NRG1: variants seen among roughly 807,000 people sequenced by gnomAD.
The protein encoded by NRG1 is pro-neuregulin-1, membrane-bound isoform.
In NRG1, 18 loss-of-function variants were observed where a neutral mutation model predicts 63.8. The ratio of observed to expected loss-of-function variants is 0.28; its 90% confidence interval spans 0.19 to 0.42. The LOEUF is 0.42. NRG1 is among the 10% of genes least tolerant of loss of function. The probability of loss-of-function intolerance (pLI) is 1.00; values close to 1 mark genes in which losing one functional copy is unlikely to be tolerated. For missense variants in NRG1, 762 were observed against 814.7 expected, an observed-to-expected ratio of 0.94 and a Z score of 0.79; for synonymous variants, 302 against 301.3, an observed-to-expected ratio of 1.00 and a Z score of -0.02.
intron 1 of NRG1, among the ~76,000 whole-genome samples, chr8:31,664,774 C>G (rs1486038762): frequency 6.6e-6 from 1 of 152,146 alleles, no homozygotes; most frequent in Non-Finnish European, 1.5e-5. Context: ...GAACAAGCTA[C>G]AGTTAACTGG....
intron 1 of NRG1, among the ~76,000 whole-genome samples, chr8:32,106,334 A>T (rs1831255694): frequency 6.6e-6 from 1 of 152,230 alleles, no homozygotes; most frequent in Non-Finnish European, 1.5e-5. Context: ...TTTTGTGGCC[A>T]ACTGGCAACC....
chr8:31,650,314 A>G (rs1804708060), intron 1 of NRG1, among the ~76,000 whole-genome samples: 2 of 152,166 alleles, frequency 1.3e-5, no homozygotes, highest in African/African-American at 4.8e-5. Flanking sequence ...TTCCCTACTT[A>G]GAAAGTTTCA....
At chr8:31,710,321 T>C (rs1183945459) in intron 1 of NRG1, among the ~76,000 whole-genome samples, 1 of 151,952 alleles carries the variant, frequency 6.6e-6, no homozygotes, top group Non-Finnish European at 1.5e-5. Flanking sequence ...TCATATGTTA[T>C]CAATTTTAAT....
chr8:32,479,692 C>T (rs538866678), intron 1 of NRG1, among the ~76,000 whole-genome samples: 1 of 152,236 alleles, frequency 6.6e-6, no homozygotes, highest in South Asian at 2.1e-4. Flanking sequence ...GCTCTGTCAT[C>T]AGTCTGGAGT....
intron 1 of NRG1, among the ~76,000 whole-genome samples, chr8:32,412,434 A>ATG (rs1815155636): frequency 2.5e-5 from 1 of 39,954 alleles, no homozygotes; most frequent in African/African-American, 7.0e-5. Flanking sequence ...ATATATATAT[A>ATG]TATATATATA....
intron 1 of NRG1, among the ~76,000 whole-genome samples, chr8:32,116,883 C>A (rs1217137993): frequency 2.0e-5 from 3 of 147,916 alleles, no homozygotes; most frequent in Non-Finnish European, 4.4e-5. Context: ...TGGTTTGTGC[C>A]TGTAATCTCA....
intron 7 of NRG1, among the ~76,000 whole-genome samples, chr8:32,748,358 C>CACACACACAGAGAG (rs748763782): frequency 3.4e-4 from 41 of 122,006 alleles, no homozygotes; most frequent in Admixed American, 1.3e-3. Flanking sequence ...CACACACACA[C>CACACACACAGAGAG]AGAGAGAGAG....
chr8:32,166,446 G>A (rs140272173), intron 1 of NRG1, among the ~76,000 whole-genome samples: 1 of 152,190 alleles, frequency 6.6e-6, no homozygotes, highest in South Asian at 2.1e-4. Context: ...TGGCTCTACG[G>A]ATTCATTTTT....
chr8:32,399,567 T>C (rs28730870), intron 1 of NRG1, among the ~76,000 whole-genome samples: 40,798 of 152,026 alleles, frequency 0.27, 5,738 homozygotes, highest in Middle Eastern at 0.33. Flanking sequence ...TAGCCAGGTG[T>C]GGTGGCAAGT....
intron 1 of NRG1, among the ~76,000 whole-genome samples, chr8:32,414,429 G>A (rs1261205386): frequency 6.6e-6 from 1 of 152,058 alleles, no homozygotes; most frequent in Non-Finnish European, 1.5e-5. Context: ...CCATTTCTTA[G>A]CATCCTAAAC....
At position 32,742,907 on chromosome 8, in the gene NRG1, C is replaced by T. The variant is rs963614177; in HGVS notation, c.691+174C>T. On this transcript the variant is annotated intron_variant, in intron 7 of 11. Coordinates refer to ENST00000356819, the Ensembl canonical transcript of NRG1. This position sits in a 1 kb window ranked among gnomAD's most constrained non-coding sequence, Gnocchi z 4.2. ...AACATTAACAAAAGCAATTGTATTA[C>T]TTCCTCTGTTCGCGACTAGTTGGCT... 12 of 1,514,876 alleles carry T rather than the reference C, an allele frequency of 7.9e-6. No individual in the cohort carries two copies. The East Asian group carries it at 2.8e-4, about 35-fold the overall frequency. The allele number at this position is 1,514,876 out of a possible 1,614,324, so 93.8% of individuals were successfully genotyped here.
chr8:31,854,996 T>A (rs1434773767), intron 1 of NRG1, among the ~76,000 whole-genome samples: 1 of 152,222 alleles, frequency 6.6e-6, no homozygotes, highest in African/African-American at 2.4e-5. Flanking sequence ...ATAATTTCTG[T>A]TCTTTTACAT....
intron 1 of NRG1, 35 bp downstream of exon 1, chr8:32,548,861 T>TC: frequency 1.3e-6 from 2 of 1,518,238 alleles, no homozygotes; most frequent in Non-Finnish European, 1.8e-6. Flanking sequence ...CCCACGATCC[T>TC]CCTCCTGCTC....
chr8:32,336,662 T>C (rs535735729), intron 1 of NRG1, among the ~76,000 whole-genome samples: 24 of 152,330 alleles, frequency 1.6e-4, no homozygotes, highest in African/African-American at 5.8e-4. Flanking sequence ...CAGGCTGAAG[T>C]GCAGTGGCAC....
In NRG1 at chr8:31,965,754, G is replaced by A. The variant is rs149019753; in HGVS notation, c.37+326323G>A. On this transcript the variant is annotated intron_variant, in intron 1 of 10. Transcript: ENST00000519301. The stretch of plus-strand genomic sequence containing the variant: ...ATAGCTATTCTGACTGGTATAAGAG[G>A]TATCTCATGTGGCTTTAAATTGCAT... Among the ~76,000 whole-genome samples the A allele has an allele frequency of 8.5e-5, 13 of 152,230 alleles. 1 individual carries two copies. Among genetic ancestry groups the A allele is most frequent in the African/African-American group, 3.1e-4 (13 of 41,556 alleles).
chr8:32,117,227 TTATC>T (rs1832854512), intron 1 of NRG1, among the ~76,000 whole-genome samples: 1 of 152,076 alleles, frequency 6.6e-6, no homozygotes, highest in South Asian at 2.1e-4. Flanking sequence ...ACCGTAGTAT[TTATC>T]TATGAGAATG....
chr8:32,025,553 T>G (rs1343285106), intron 1 of NRG1, among the ~76,000 whole-genome samples: 1 of 152,202 alleles, frequency 6.6e-6, no homozygotes, highest in Non-Finnish European at 1.5e-5. Context: ...ATTTTCACCT[T>G]AAGACGTATC....
chr8:31,872,271 G>A (rs534468215), intron 1 of NRG1, among the ~76,000 whole-genome samples: 1 of 152,200 alleles, frequency 6.6e-6, no homozygotes, highest in Non-Finnish European at 1.5e-5. Flanking sequence ...TCTTTAAGAG[G>A]GGACTCTTTC....
intron 1 of NRG1, among the ~76,000 whole-genome samples, chr8:31,857,866 C>G (rs1389730860): frequency 2.0e-5 from 3 of 152,290 alleles, no homozygotes; most frequent in African/African-American, 7.2e-5. Context: ...GGCCCAGGAA[C>G]TAACGAACAT....
Sources: allele counts gnomAD v4.1 joint callset (sites outside exome capture counted in the v4.1 genomes callset), GRCh38; gene constraint gnomAD v4.1.1; non-coding constraint Gnocchi (gnomAD v3.1); transcripts MANE v1.5; gene names NCBI Gene and HGNC (gene_info 2026-07-23, HGNC 2026-07-21).